Variants in KRTAP4-6 observed in about 807,000 individuals in gnomAD.
KRTAP4-6 encodes keratin-associated protein 4-6.
KRTAP4-6 carries 1 observed loss-of-function variant against 3.6 expected under a neutral mutation model. The ratio of observed to expected loss-of-function variants is 0.28; its 90% CI spans 0.10 to 1.32. The LOEUF is 1.32. Ranked by LOEUF, KRTAP4-6 falls within the 40% of genes most tolerant of loss-of-function variation. The pLI is 0.45. For synonymous variants in KRTAP4-6, 97 were observed against 96.7 expected (o/e 1.00, Z -0.02); for missense variants, 275 against 280.3 (o/e 0.98, Z 0.14).
chr17:41,139,680 T>C, exon 1 of KRTAP4-6: 1 of 889,466 alleles, frequency 1.1e-6, no homozygotes, highest in Non-Finnish European at 1.7e-6. Flanking sequence ...TAATATCTAA[T>C]TTCACACTTG....
exon 1 of KRTAP4-6, chr17:41,140,015 C>G: frequency 6.2e-7 from 1 of 1,602,760 alleles, no homozygotes; most frequent in Non-Finnish European, 8.5e-7. Flanking sequence ...GCGGCAGCAG[C>G]TGGATTCACA....
Position 41,140,337 on chromosome 17 carries a change from A to G in KRTAP4-6, c.151T>C (p.Cys51Arg), listed in dbSNP as rs570906339. 283 of 1,608,998 alleles carry G rather than the reference A, an allele frequency of 1.8e-4. 1 individual carries two copies. The highest frequency in any genetic ancestry group is 2.2e-4 in the Non-Finnish European group (263 of 1,178,758). The change falls in exon 1 of 1, where the codon TGC (cysteine) becomes CGC (arginine). Residue 51 changes from cysteine (C) to arginine (R), a missense_variant. Coordinates refer to ENST00000345847, the Ensembl canonical transcript of KRTAP4-6. ...GTGGGCTGGCAGCACACAGACTGGC[A>G]GCACTGGGGTCTGCAGCAGCTGGAC...
chr17:41,139,586 T>C, exon 1 of KRTAP4-6: 1 of 499,108 alleles, frequency 2.0e-6, no homozygotes, highest in Non-Finnish European at 3.4e-6. Flanking sequence ...AGAATTTCCA[T>C]GTTTGGGACA....
chr17:41,139,790 C>A (rs749761092), exon 1 of KRTAP4-6: 7 of 1,509,552 alleles, frequency 4.6e-6, no homozygotes, highest in Non-Finnish European at 6.2e-6. Flanking sequence ...ATGGCCTCTT[C>A]TGAGTTGTTT....
exon 1 of KRTAP4-6, chr17:41,139,759 A>G (rs1448540688): frequency 3.5e-6 from 5 of 1,412,106 alleles, no homozygotes; most frequent in African/African-American, 2.9e-5. Flanking sequence ...TGTCCAGGAT[A>G]TGGAAACACA....
rs1207780438 is a variant in KRTAP4-6, at chr17:41,139,986, A to T, written c.502T>A (p.Cys168Ser). The T allele has an allele frequency of 1.9e-6, 3 of 1,609,832 alleles. No individual in the cohort carries two copies. The South Asian group carries it at 3.3e-5, about 18-fold the overall frequency. Residue 168 changes from cysteine to serine, a missense_variant, in exon 1 of 1, where the codon TGC becomes AGC. Transcript: ENST00000345847. ...CCACAGACTGGACGCAGGCAGCAGC[A>T]GGGGCGGCAGCAGCACGGGCGGCAG...
chr17:41,139,725 GC>G, exon 1 of KRTAP4-6: 1 of 1,173,554 alleles, frequency 8.5e-7, no homozygotes, highest in Non-Finnish European at 1.2e-6. Context: ...TAGATGTATA[GC>G]CAGGACATAT....
exon 1 of KRTAP4-6, chr17:41,139,663 C>T: frequency 1.3e-6 from 1 of 798,184 alleles, no homozygotes; most frequent in Non-Finnish European, 1.9e-6. Context: ...TAATTTCTTT[C>T]TGTAAATAAT....
chr17:41,139,869 C>T (rs1300114431), exon 1 of KRTAP4-6: 2 of 1,574,976 alleles, frequency 1.3e-6, no homozygotes, highest in African/African-American at 2.7e-5. Context: ...AGGCAAGGAG[C>T]TCAGCAGCAA....
chr17:41,140,034 G>A, exon 1 of KRTAP4-6: 3 of 1,606,892 alleles, frequency 1.9e-6, no homozygotes, highest in Middle Eastern at 1.7e-4. Flanking sequence ...CAGCAAGAGG[G>A]GCGGCAGCAG....
chr17:41,139,550 A>G, exon 1 of KRTAP4-6: 1 of 414,962 alleles, frequency 2.4e-6, no homozygotes, highest in East Asian at 4.1e-5. Flanking sequence ...TGAGAGTGAG[A>G]CAACCTTGCC....
chr17:41,139,977 G>A, exon 1 of KRTAP4-6: 4 of 1,609,134 alleles, frequency 2.5e-6, no homozygotes, highest in Non-Finnish European at 3.4e-6. Context: ...ACTGGACGCA[G>A]GCAGCAGCAG....
At chr17:41,140,204 C>T in exon 1 of KRTAP4-6, 1 of 1,584,320 alleles carries the variant, frequency 6.3e-7, no homozygotes, top group Non-Finnish European at 8.6e-7. Flanking sequence ...CACAGACTGG[C>T]AGCACTGGGG....
exon 1 of KRTAP4-6, chr17:41,139,597 G>C: frequency 1.8e-6 from 1 of 555,422 alleles, no homozygotes; most frequent in African/African-American, 1.9e-5. Context: ...GTTTGGGACA[G>C]AAGAACTTGG....
At chr17:41,139,710 T>A in exon 1 of KRTAP4-6, 1 of 1,085,818 alleles carries the variant, frequency 9.2e-7, no homozygotes, top group Non-Finnish European at 1.3e-6. Flanking sequence ...GGGGAACATA[T>A]ATTCTAGATG....
chr17:41,140,486 A>G (rs1258495024), exon 1 of KRTAP4-6: 12 of 1,610,312 alleles, frequency 7.5e-6, no homozygotes, highest in African/African-American at 1.3e-5. Context: ...GGAGCTGACC[A>G]TGGTGTCAGA....
rs762133072 is a variant in KRTAP4-6 at position 41,139,841 on chromosome 17, A to G, written c.*29T>C. On this transcript the variant is annotated 3_prime_UTR_variant, in exon 1 of 1. Transcript: ENST00000345847. ...TCTGCTTCTGTGAGGAGTGAGCTGA[A>G]GGGGAGGAGATAGTTTCAGGCAAGG... 22 of 1,551,824 alleles carry G rather than the reference A, an allele frequency of 1.4e-5. No individual in the cohort carries two copies. In the Admixed American group the frequency reaches 4.3e-4, roughly 30 times the overall value.
exon 1 of KRTAP4-6, chr17:41,139,764 A>C (rs937403): frequency 0.66 from 953,545 of 1,447,292 alleles, 318,692 homozygotes; most frequent in African/African-American, 0.92. Context: ...AGGATATGGA[A>C]ACACAGTTGG....
chr17:41,139,629 G>C (rs1262759007), exon 1 of KRTAP4-6: 1 of 653,208 alleles, frequency 1.5e-6, no homozygotes, highest in Non-Finnish European at 2.6e-6. Context: ...ACAAATATAA[G>C]GTATAAAATT....
Sources: gnomAD v4.1 joint callset for allele counts on GRCh38, gnomAD v4.1.1 for gene constraint, MANE v1.5 for transcripts, NCBI Gene and HGNC (gene_info 2026-07-23, HGNC 2026-07-21) for gene names.